ARHGEF38: variants seen among roughly 807,000 people sequenced by gnomAD.
The protein encoded by ARHGEF38 is Rho guanine nucleotide exchange factor (GEF) 38.
In ARHGEF38, 79 loss-of-function variants were observed where a neutral mutation model predicts 79.9. The observed-to-expected ratio is 0.99, with a 90% confidence interval of 0.82 to 1.19. The LOEUF is 1.19. Among genes scored for constraint, ARHGEF38 ranks in the 50% most tolerant of loss-of-function variants. ARHGEF38 has a pLI of 0.00. For missense variants in ARHGEF38, 962 were observed against 907.2 expected, an observed-to-expected ratio of 1.06 and a Z score of -0.78; for synonymous variants, 366 against 328.3, an observed-to-expected ratio of 1.11 and a Z score of -1.24.
rs1346335345 is a variant in ARHGEF38 at position 105,659,169 on chromosome 4, A to G, written c.1349A>G (p.Tyr450Cys). The G allele has an allele frequency of 1.6e-5, 25 of 1,536,032 alleles. No homozygotes were observed. The East Asian group carries it at 5.4e-4, about 33-fold the overall frequency. ...RYDKLLDCNS[Y>C]LQRSTGEESD... is the part of the protein sequence containing the mutation. ...GACAAACTGCTGGATTGCAACAGCTACCTGCAGCGATCAACGGGAGAGGAG... is the reference window on the plus strand; with the variant it reads ...GACAAACTGCTGGATTGCAACAGCTGCCTGCAGCGATCAACGGGAGAGGAG... Residue 450 changes from tyrosine to cysteine, a missense_variant, in exon 10 of 14, where the codon TAC becomes TGC. Physicochemically the swap from Tyr to Cys is radical, Grantham distance 194. Coordinates refer to ENST00000420470, the MANE Select transcript of ARHGEF38 (RefSeq NM_001242729.2).
rs755754268 is a variant in ARHGEF38 at position 105,667,407 on chromosome 4, T to C, written c.1889-37T>C. The C allele has an allele frequency of 3.3e-6, 5 of 1,534,534 alleles. No individual in the cohort carries two copies. In the South Asian group the frequency reaches 6.0e-5, roughly 18 times the overall value. On this transcript the variant is annotated intron_variant, in intron 12 of 13. Transcript: ENST00000420470. ...CACATGTTTGGGAAGAGTATACCCATGAACTTGGTTCTTCTTTCTTTTTAT... is the reference window on the plus strand; with the variant it reads ...CACATGTTTGGGAAGAGTATACCCACGAACTTGGTTCTTCTTTCTTTTTAT...
intron 7 of ARHGEF38, among the ~76,000 whole-genome samples, chr4:105,653,104 T>C (rs1300013198): frequency 6.6e-6 from 1 of 152,156 alleles, no homozygotes; most frequent in Non-Finnish European, 1.5e-5. Context: ...GAAATACTGC[T>C]TGCTATTAAT....
At chr4:105,648,921 G>T (rs1729974438) in intron 7 of ARHGEF38, among the ~76,000 whole-genome samples, 1 of 151,362 alleles carries the variant, frequency 6.6e-6, no homozygotes, top group African/African-American at 2.4e-5. Flanking sequence ...CTTAGCTGTG[G>T]TGCTTCTACT....
rs1730799410 is a variant in ARHGEF38, at chr4:105,667,589, C to G, written c.2034C>G (p.Val678=). The G allele has an allele frequency of 6.5e-7, 1 of 1,536,590 alleles. No individual in the cohort carries two copies. The highest frequency in any genetic ancestry group is 8.7e-7 in the Non-Finnish European group (1 of 1,147,050). ...CTTCACGGCCAGCTAGTGACAGTGT[C>G]ACAGGCACCTCAGAAAGCAGCATTG... is the stretch of plus-strand genomic sequence containing the variant. The part of the protein sequence containing the change: ...FVSSRPASDS[V]TGTSESSIGD... Residue 678 remains valine (V), a synonymous_variant, in exon 13 of 14, where the codon GTC becomes GTG. Transcript: ENST00000420470.
intron 1 of ARHGEF38, among the ~76,000 whole-genome samples, chr4:105,576,407 C>CTT (rs35502329): frequency 1.1e-4 from 14 of 128,354 alleles, no homozygotes; most frequent in South Asian, 2.6e-4. Context: ...TTCTTTTCTT[C>CTT]TTTTTTTTTT....
chr4:105,628,030 T>TAA (rs70941204), intron 3 of ARHGEF38, among the ~76,000 whole-genome samples: 4 of 145,008 alleles, frequency 2.8e-5, no homozygotes, highest in South Asian at 2.2e-4. Flanking sequence ...TGGAAAAGAG[T>TAA]AAAAAAAAAA....
intron 3 of ARHGEF38, among the ~76,000 whole-genome samples, chr4:105,623,346 AATGTC>A (rs1420830279): frequency 6.6e-6 from 1 of 152,198 alleles, no homozygotes; most frequent in Non-Finnish European, 1.5e-5. Context: ...TTCAAAAGTC[AATGTC>A]ATTGCCAGAG....
intron 2 of ARHGEF38, 24 bp from the exon 3 acceptor site, chr4:105,613,360 G>A: frequency 6.2e-7 from 1 of 1,608,212 alleles, no homozygotes; most frequent in Non-Finnish European, 8.5e-7. Context: ...TTCTCCATCA[G>A]CTCAATGTTT....
chr4:105,615,682 A>G (rs2110495404), intron 3 of ARHGEF38, among the ~76,000 whole-genome samples: 1 of 152,312 alleles, frequency 6.6e-6, no homozygotes, highest in Middle Eastern at 3.4e-3. Context: ...TAAGACCTTT[A>G]CATCATACTT....
In ARHGEF38 at chr4:105,607,701, A is replaced by G. The variant is rs924827337; in HGVS notation, c.385-5683A>G. Reference sequence around the variant, plus strand: ...GGAAATGTTTCCTAGAGAAAGTAACATTTTGGCTACAATTAAAAGTGTATT... The same window carrying G: ...GGAAATGTTTCCTAGAGAAAGTAACGTTTTGGCTACAATTAAAAGTGTATT... On this transcript the variant is annotated intron_variant, in intron 2 of 13. Transcript: ENST00000420470. Among the ~76,000 whole-genome samples, 3 of 152,108 alleles carry G rather than the reference A, an allele frequency of 2.0e-5. No individual in the cohort carries two copies. The East Asian group carries it at 5.8e-4, about 29-fold the overall frequency.
At chr4:105,647,888 ATTTTTT>A (rs769532644) in intron 6 of ARHGEF38, among the ~76,000 whole-genome samples, 1 of 119,578 alleles carries the variant, frequency 8.4e-6, no homozygotes. Context: ...TTTCTTTTCT[ATTTTTT>A]TTTTTTTTTT....
intron 1 of ARHGEF38, among the ~76,000 whole-genome samples, chr4:105,560,710 A>G (rs1398823405): frequency 6.6e-6 from 1 of 152,220 alleles, no homozygotes; most frequent in African/African-American, 2.4e-5. Context: ...AGAGGATGCA[A>G]TCTTAGACTG....
At chr4:105,613,631 C>T (rs1217872684) in intron 3 of ARHGEF38, 124 bp downstream of exon 3, 52 of 1,062,786 alleles carry the variant, frequency 4.9e-5, no homozygotes, top group Non-Finnish European at 6.8e-5. Context: ...AATGCTAAAC[C>T]CATCTTTGGG....
intron 1 of ARHGEF38, among the ~76,000 whole-genome samples, chr4:105,557,472 T>A (rs1725305496): frequency 6.6e-6 from 1 of 151,986 alleles, no homozygotes; most frequent in Non-Finnish European, 1.5e-5. Flanking sequence ...ATGGACTGAA[T>A]GTTTGTATTC....
intron 1 of ARHGEF38, among the ~76,000 whole-genome samples, chr4:105,560,979 A>AAAAAAT (rs1725490285): frequency 6.6e-6 from 1 of 152,210 alleles, no homozygotes; most frequent in Non-Finnish European, 1.5e-5. Flanking sequence ...ATAAAAACAC[A>AAAAAAT]TCCCCTCCCA....
intron 1 of ARHGEF38, chr4:105,561,449 G>GGAATGGAATGGAATA (rs1725566310): frequency 8.8e-5 from 4 of 45,610 alleles, no homozygotes; most frequent in South Asian, 9.2e-4. Flanking sequence ...AGAATAGAAT[G>GGAATGGAATGGAATA]GAATAGAATA....
chr4:105,610,185 C>A (rs1728230410), intron 2 of ARHGEF38, among the ~76,000 whole-genome samples: 1 of 151,930 alleles, frequency 6.6e-6, no homozygotes, highest in South Asian at 2.1e-4. Flanking sequence ...GAGAGGGGAA[C>A]AACACACACT....
chr4:105,558,732 G>A (rs1725370420), intron 1 of ARHGEF38, among the ~76,000 whole-genome samples: 1 of 152,072 alleles, frequency 6.6e-6, no homozygotes, highest in South Asian at 2.1e-4. Flanking sequence ...ACCATATTGT[G>A]ATGGGCAAAT....
At chr4:105,613,001 G>A (rs999234603) in intron 2 of ARHGEF38, among the ~76,000 whole-genome samples, 1 of 151,980 alleles carries the variant, frequency 6.6e-6, no homozygotes, top group East Asian at 1.9e-4. Flanking sequence ...TTTGAAAATC[G>A]TTACTTGCCT....
Sources: gnomAD v4.1 joint callset for allele counts (sites outside exome capture counted in the v4.1 genomes callset) on GRCh38, gnomAD v4.1.1 for gene constraint, MANE v1.5 for transcripts, NCBI Gene and HGNC (gene_info 2026-07-23, HGNC 2026-07-21) for gene names.